OCM: variants seen among roughly 807,000 people sequenced by gnomAD.
OCM encodes the protein oncomodulin-1.
Under a neutral mutation model 14.1 loss-of-function variants are expected in OCM, and 18 were observed. That is an observed-to-expected ratio of 1.28 (90% CI 0.88 to 1.89). OCM has a LOEUF of 1.89. OCM is among the 40% of genes most tolerant of loss of function. The probability of loss-of-function intolerance (pLI) is 0.00; values close to 1 mark genes in which losing one functional copy is unlikely to be tolerated. For missense variants in OCM, 140 were observed against 137.6 expected (o/e 1.02, Z -0.09); for synonymous variants, 48 against 51.0 (o/e 0.94, Z 0.25).
chr7:5,885,613 C>CTTT (rs917292765), intron 3 of OCM, among the ~76,000 whole-genome samples: 2 of 138,356 alleles, frequency 1.4e-5, no homozygotes. Context: ...TCTTTCTTTC[C>CTTT]TTTTTTTTTT....
At chr7:5,878,848 A>G (rs1781149629), upstream of OCM, among the ~76,000 whole-genome samples, 1 of 149,746 alleles carries the variant, frequency 6.7e-6, no homozygotes, top group Non-Finnish European at 1.5e-5. Context: ...TGGCCATATA[A>G]AGGCTCAATA....
At chr7:5,884,189 T>C (rs2128607226) in intron 3 of OCM, among the ~76,000 whole-genome samples, 190 bp downstream of exon 3, 1 of 152,258 alleles carries the variant, frequency 6.6e-6, no homozygotes, top group Non-Finnish European at 1.5e-5. Context: ...CCTGGCATAA[T>C]GCTCGGTAGG....
At chr7:5,862,014 G>C in the OCM span, among the ~76,000 whole-genome samples, 11 of 152,180 alleles carry the variant, frequency 7.2e-5, no homozygotes, top group South Asian at 1.0e-3. Context: ...ATCCTCCTGC[G>C]TCAGCCTCCT....
In OCM at chr7:5,882,554, C is replaced by T. The variant is rs559067438; in HGVS notation, c.123C>T (p.Ala41=). The T allele has an allele frequency of 1.7e-5, 28 of 1,614,134 alleles. No individual in the cohort carries two copies. Among genetic ancestry groups the T allele is most frequent in the Non-Finnish European group, 1.5e-5 (18 of 1,180,018 alleles). ...CATCAGGCCTCTCCAAGATGTCAGC[C>T]AATCAGGTGAAGGATGTTTTCCGGT... ...FQTSGLSKMS[A]NQVKDVFRFI... The change falls in exon 2 of 4, where the codon GCC becomes GCT. Residue 41 remains alanine, a synonymous_variant. Coordinates refer to ENST00000242104, the MANE Select transcript of OCM (RefSeq NM_001097622.2).
chr7:5,865,477 C>T, the OCM span, among the ~76,000 whole-genome samples: 1 of 152,192 alleles, frequency 6.6e-6, no homozygotes, highest in African/African-American at 2.4e-5. Context: ...CAGCAAACCG[C>T]TTCTGAACTG....
chr7:5,859,957 G>A, the OCM span, among the ~76,000 whole-genome samples: 1 of 152,028 alleles, frequency 6.6e-6, no homozygotes, highest in Non-Finnish European at 1.5e-5. Context: ...CAAAGTGCTG[G>A]GATTAGAGGT....
the OCM span, among the ~76,000 whole-genome samples, chr7:5,865,300 A>G: frequency 1.3e-5 from 2 of 152,224 alleles, no homozygotes; most frequent in Admixed American, 1.3e-4. Flanking sequence ...GATGCCGTCT[A>G]GAAAACCAGG....
the OCM span, among the ~76,000 whole-genome samples, chr7:5,869,590 T>G: frequency 1.3e-5 from 2 of 151,970 alleles, no homozygotes; most frequent in Non-Finnish European, 2.9e-5. Context: ...AGAGATTCCA[T>G]CTAAAAAAGA....
chr7:5,867,689 T>C, the OCM span, among the ~76,000 whole-genome samples: 1 of 152,058 alleles, frequency 6.6e-6, no homozygotes, highest in Non-Finnish European at 1.5e-5. Flanking sequence ...TCCAGAATTG[T>C]TTCTCTCTGT....
chr7:5,877,245 C>G (rs950597988), upstream of OCM, among the ~76,000 whole-genome samples: 1 of 152,042 alleles, frequency 6.6e-6, no homozygotes, highest in Non-Finnish European at 1.5e-5. Flanking sequence ...GGGTGGATCA[C>G]TTGAGTCCAG....
At chr7:5,875,247 G>A (rs1178147621), upstream of OCM, among the ~76,000 whole-genome samples, 2 of 151,844 alleles carry the variant, frequency 1.3e-5, no homozygotes, top group African/African-American at 4.8e-5. Flanking sequence ...AGTAGAGACA[G>A]CGTTTCGCCA....
chr7:5,881,114 C>T (rs13310147), intron 1 of OCM, among the ~76,000 whole-genome samples, 164 bp downstream of exon 1: 2 of 151,390 alleles, frequency 1.3e-5, no homozygotes, highest in Admixed American at 6.6e-5. Flanking sequence ...GTCAGGAGTT[C>T]GAGACCAGCC....
At chr7:5,879,734 A>C (rs1583170201), upstream of OCM, 2 of 134,076 alleles carry the variant, frequency 1.5e-5, no homozygotes, top group East Asian at 2.1e-4. Context: ...GTTCCCACCC[A>C]CATTCCCTTG....
At chr7:5,867,012 C>G in the OCM span, among the ~76,000 whole-genome samples, 2 of 152,146 alleles carry the variant, frequency 1.3e-5, no homozygotes, top group African/African-American at 4.8e-5. Context: ...GACTTGTAGA[C>G]TATCCTTTTA....
chr7:5,860,478 TATATATAC>T, the OCM span, among the ~76,000 whole-genome samples: 1 of 141,648 alleles, frequency 7.1e-6, no homozygotes, highest in African/African-American at 2.6e-5. Flanking sequence ...TATATACGTG[TATATATAC>T]GTGTATATAT....
the OCM span, among the ~76,000 whole-genome samples, chr7:5,874,604 A>G: frequency 2.0e-4 from 31 of 151,970 alleles, no homozygotes; most frequent in Non-Finnish European, 3.8e-4. Flanking sequence ...TCCTGGGCTT[A>G]AGTGATCCTC....
At chr7:5,867,696 CTG>C in the OCM span, among the ~76,000 whole-genome samples, 12 of 151,610 alleles carry the variant, frequency 7.9e-5, no homozygotes, top group Admixed American at 2.6e-4. Flanking sequence ...TTGTTTCTCT[CTG>C]TGTTTCAGCT....
At chr7:5,875,258 C>G (rs1401709332), upstream of OCM, among the ~76,000 whole-genome samples, 1 of 151,758 alleles carries the variant, frequency 6.6e-6, no homozygotes, top group Non-Finnish European at 1.5e-5. Flanking sequence ...CGTTTCGCCA[C>G]GTTGGCCAGA....
intron 2 of OCM, 63 bp downstream of exon 2, chr7:5,882,688 G>A: frequency 1.9e-6 from 3 of 1,584,284 alleles, no homozygotes; most frequent in Non-Finnish European, 2.6e-6. Flanking sequence ...GGTGCAGTGG[G>A]GGCCAGGTTG....
Sources: allele counts gnomAD v4.1 joint callset (sites outside exome capture counted in the v4.1 genomes callset), GRCh38; gene constraint gnomAD v4.1.1; transcripts MANE v1.5; gene names NCBI Gene and HGNC (gene_info 2026-07-23, HGNC 2026-07-21).